GRIN2B: variants seen among roughly 807,000 people sequenced by gnomAD.
The protein encoded by GRIN2B is glutamate receptor ionotropic, NMDA 2B.
In GRIN2B, 5 loss-of-function variants were observed where a neutral mutation model predicts 114.5. That is an observed-to-expected ratio of 0.04 (90% CI 0.02 to 0.09). The LOEUF (loss-of-function observed/expected upper bound fraction) is 0.09, where lower values mean the gene tolerates loss of function less well. Ranked by LOEUF, GRIN2B falls within the 10% of genes least tolerant of loss-of-function variation. The pLI, the probability that GRIN2B is intolerant of heterozygous loss-of-function variation, is 1.00. For missense variants in GRIN2B, 1,108 were observed against 1,943.5 expected (o/e 0.57, Z 8.08); for synonymous variants, 787 against 745.1 (o/e 1.06, Z -0.92).
chr12:13,688,078 T>C (rs1290338898), intron 4 of GRIN2B, among the ~76,000 whole-genome samples: 2 of 152,216 alleles, frequency 1.3e-5, no homozygotes, highest in African/African-American at 4.8e-5. Flanking sequence ...AATACTATAA[T>C]GAAGGCCCAA....
chr12:13,720,781 A>G (rs914962790), intron 4 of GRIN2B, among the ~76,000 whole-genome samples: 6 of 152,088 alleles, frequency 3.9e-5, no homozygotes, highest in Non-Finnish European at 7.4e-5. Flanking sequence ...GACTAAAGGA[A>G]ACATCTTGGA....
chr12:13,616,092 T>C (rs952221766), intron 6 of GRIN2B, among the ~76,000 whole-genome samples: 1 of 152,112 alleles, frequency 6.6e-6, no homozygotes, highest in African/African-American at 2.4e-5. Context: ...CATAGATTAG[T>C]TTTATATTTT....
chr12:13,709,679 A>T (rs1387262807), intron 4 of GRIN2B, among the ~76,000 whole-genome samples: 1 of 151,996 alleles, frequency 6.6e-6, no homozygotes, highest in Non-Finnish European at 1.5e-5. Flanking sequence ...ACTACCTCTG[A>T]GCTTCTAAAT....
At chr12:13,929,818 G>T (rs967910724) in intron 2 of GRIN2B, among the ~76,000 whole-genome samples, 9 of 152,162 alleles carry the variant, frequency 5.9e-5, no homozygotes, top group African/African-American at 1.9e-4. Context: ...GTAACACCGG[G>T]TTACTGTGAT....
chr12:13,861,833 G>A (rs529501559), intron 3 of GRIN2B, among the ~76,000 whole-genome samples: 1 of 152,200 alleles, frequency 6.6e-6, no homozygotes, highest in East Asian at 1.9e-4. Context: ...TTCTTTTCCT[G>A]CATCATGATA....
At chr12:13,708,680 C>T (rs1253131077) in intron 4 of GRIN2B, among the ~76,000 whole-genome samples, 2 of 151,898 alleles carry the variant, frequency 1.3e-5, no homozygotes, top group African/African-American at 2.4e-5. Flanking sequence ...TATCATTTTC[C>T]TATTACATAC....
intron 4 of GRIN2B, among the ~76,000 whole-genome samples, chr12:13,676,440 G>A (rs1555119583): frequency 6.6e-6 from 1 of 152,094 alleles, no homozygotes; most frequent in Non-Finnish European, 1.5e-5. Context: ...GAGCCTCTGT[G>A]TTTTTCCCTA....
chr12:13,608,603 C>A lies in GRIN2B; in HGVS notation c.2010G>T (p.Lys670Asn). ...VDQVSGLSDK[K>N]FQRPNDFSPP... is the part of the protein sequence containing the mutation. ...GGGAGATTTCAAATGAGTCTCTTAC[C>A]TTTTTGTCGCTCAGGCCAGAAACCT... Residue 670 changes from lysine (K) to asparagine (N), a missense_variant and splice_region_variant, in exon 10 of 14, where the codon AAG becomes AAT. By Grantham distance (94) the Lys-to-Asn change is moderately conservative. Around this residue, in one of 19 missense-constraint regions of GRIN2B, gnomAD observed 10 missense variants for 17.4 expected, o/e 0.57. Transcript: ENST00000609686. 6.2e-7 allele frequency: 1 copy of A among 1,607,610 alleles called. No individual in the cohort carries two copies. Among genetic ancestry groups the A allele is most frequent in the Non-Finnish European group, 8.5e-7 (1 of 1,174,186 alleles).
intron 2 of GRIN2B, among the ~76,000 whole-genome samples, chr12:13,972,962 C>T (rs937709767): frequency 2.0e-5 from 3 of 152,136 alleles, no homozygotes; most frequent in Admixed American, 6.5e-5. Context: ...GATACATATC[C>T]AATACACTAA....
chr12:13,716,496 GAGA>G (rs1358134027), intron 4 of GRIN2B, among the ~76,000 whole-genome samples: 1 of 151,808 alleles, frequency 6.6e-6, no homozygotes, highest in Non-Finnish European at 1.5e-5. Flanking sequence ...TCTTACCGTT[GAGA>G]AGAACCCTAC....
chr12:13,700,936 T>G (rs1950306059), intron 4 of GRIN2B, among the ~76,000 whole-genome samples: 1 of 152,192 alleles, frequency 6.6e-6, no homozygotes, highest in African/African-American at 2.4e-5. Flanking sequence ...TATAAAGAAC[T>G]TCCCAAGACT....
At chr12:13,580,604 G>A (rs1445316320) in intron 10 of GRIN2B, among the ~76,000 whole-genome samples, 1 of 152,212 alleles carries the variant, frequency 6.6e-6, no homozygotes, top group Non-Finnish European at 1.5e-5. Context: ...GGCTAATTAT[G>A]AGGAGGTGGC....
intron 2 of GRIN2B, among the ~76,000 whole-genome samples, chr12:13,957,196 C>T (rs868371148): frequency 6.6e-6 from 1 of 152,184 alleles, no homozygotes; most frequent in Non-Finnish European, 1.5e-5. Flanking sequence ...CCACTGGACT[C>T]GGCTCAGCTG....
chr12:13,881,280 C>T (rs1866069639), intron 2 of GRIN2B, among the ~76,000 whole-genome samples: 1 of 152,188 alleles, frequency 6.6e-6, no homozygotes. Flanking sequence ...ATTGCACCAT[C>T]CACCTCAACA....
intron 2 of GRIN2B, among the ~76,000 whole-genome samples, chr12:13,902,747 G>T (rs893632335): frequency 2.0e-5 from 3 of 152,112 alleles, no homozygotes; most frequent in Non-Finnish European, 4.4e-5. Flanking sequence ...GGAGGCTGAG[G>T]TTGCAGTGAG....
chr12:13,974,130 C>G (rs2136875379), intron 2 of GRIN2B, among the ~76,000 whole-genome samples: 1 of 152,328 alleles, frequency 6.6e-6, no homozygotes, highest in East Asian at 1.9e-4. Flanking sequence ...TACCTCCCTA[C>G]TCCAGAAACA....
chr12:13,732,214 G>C (rs573082250), intron 4 of GRIN2B, among the ~76,000 whole-genome samples: 1 of 151,190 alleles, frequency 6.6e-6, no homozygotes, highest in African/African-American at 2.4e-5. Flanking sequence ...ACTTAATTAA[G>C]ATCACATATT....
chr12:13,767,425 A>G (rs7296965), intron 3 of GRIN2B, among the ~76,000 whole-genome samples: 2,434 of 152,200 alleles, frequency 0.016, 71 homozygotes, highest in African/African-American at 0.055. Context: ...TTTTTTTTCT[A>G]ATTTTCTTAC....
intron 2 of GRIN2B, among the ~76,000 whole-genome samples, chr12:13,943,123 C>CA (rs1250460600): frequency 1.3e-5 from 2 of 152,108 alleles, no homozygotes; most frequent in Admixed American, 1.3e-4. Context: ...AGCACACCCC[C>CA]AGGCACTTCT....
Sources: allele counts gnomAD v4.1 joint callset (sites outside exome capture counted in the v4.1 genomes callset), GRCh38; gene constraint gnomAD v4.1.1; regional missense constraint gnomAD v4.1.1; transcripts MANE v1.5; gene names NCBI Gene and HGNC (gene_info 2026-07-23, HGNC 2026-07-21).